The following ZNF608 variants were observed in gnomAD, a reference collection of about 807,000 sequenced individuals.
ZNF608 encodes the protein renal carcinoma antigen NY-REN-36.
In ZNF608, 12 loss-of-function variants were observed where a neutral mutation model predicts 109.0. That is an observed-to-expected ratio of 0.11 (90% confidence interval 0.07 to 0.18). The LOEUF is 0.18. Among genes scored for constraint, ZNF608 ranks in the 10% least tolerant of loss-of-function variants. ZNF608 has a pLI of 1.00. For synonymous variants in ZNF608, 732 were observed against 717.4 expected (o/e 1.02, Z -0.33); for missense variants, 1,707 against 1,879.3 (o/e 0.91, Z 1.70).
At chr5:124,684,725 G>C (rs1752333948) in intron 3 of ZNF608, among the ~76,000 whole-genome samples, 1 of 152,190 alleles carries the variant, frequency 6.6e-6, no homozygotes, top group Middle Eastern at 3.4e-3. Flanking sequence ...CCTTTTAACT[G>C]GTCTCCCTTT....
upstream of ZNF608, chr5:124,746,805 G>A: frequency 6.1e-6 from 6 of 984,700 alleles, no homozygotes; most frequent in Non-Finnish European, 7.2e-6. Flanking sequence ...AAAAGGAGGG[G>A]GGGAGTAGAG....
rs957519885 is a variant in ZNF608 at position 124,666,725 on chromosome 5, G to A, written c.1163-17028C>T. Among the ~76,000 whole-genome samples, 5 of 145,292 alleles carry A rather than the reference G, an allele frequency of 3.4e-5. No individual in the cohort carries two copies. In the East Asian group the frequency reaches 9.9e-4, roughly 29 times the overall value. On this transcript the variant is annotated intron_variant, in intron 3 of 9. Coordinates refer to ENST00000513986, the MANE Select transcript of ZNF608 (RefSeq NM_020747.3). The stretch of plus-strand genomic sequence containing the variant: ...GGGTTTGCTCTGTGTGTGTGTGTGT[G>A]TGTGTGTGTGTGTGTGTGTGTGTGT...
At chr5:124,681,183 T>C (rs1752181699) in intron 3 of ZNF608, among the ~76,000 whole-genome samples, 2 of 152,184 alleles carry the variant, frequency 1.3e-5, no homozygotes, top group African/African-American at 4.8e-5. Flanking sequence ...CCAGGTGCGG[T>C]GGCTCACGCC....
Position 124,637,681 on chromosome 5 carries a change from A to C in ZNF608, c.*219T>G, listed in dbSNP as rs1270978872. ...TATATTTATATTTATATATATATAT[A>C]TGTATATATACAGATATGTATACGT... On this transcript the variant is annotated 3_prime_UTR_variant, in exon 10 of 10. Coordinates refer to ENST00000513986, the MANE Select transcript of ZNF608 (RefSeq NM_020747.3). 2 of 191,140 alleles carry C rather than the reference A, an allele frequency of 1.0e-5. No individual in the cohort carries two copies. The highest frequency in any genetic ancestry group is 2.0e-5 in the Non-Finnish European group (2 of 98,352). The allele number at this position is 191,140 out of a possible 1,614,324, so 11.8% of individuals were successfully genotyped here.
intron 2 of ZNF608, chr5:124,708,858 C>G: frequency 2.3e-6 from 1 of 435,792 alleles, no homozygotes; most frequent in South Asian, 1.6e-5. Context: ...GAACCCCCAC[C>G]ATGCCAAAAT....
At chr5:124,684,141 A>T (rs1752308927) in intron 3 of ZNF608, among the ~76,000 whole-genome samples, 1 of 152,244 alleles carries the variant, frequency 6.6e-6, no homozygotes, top group Non-Finnish European at 1.5e-5. Flanking sequence ...TAATGCCATC[A>T]GGGCTGACTA....
intron 3 of ZNF608, among the ~76,000 whole-genome samples, chr5:124,650,230 A>G (rs1050153167): frequency 9.2e-5 from 14 of 152,252 alleles, no homozygotes; most frequent in Admixed American, 6.5e-5. Flanking sequence ...GGGACTCAAG[A>G]GTCCAGATAG....
chr5:124,681,317 C>T (rs948700681), intron 3 of ZNF608, among the ~76,000 whole-genome samples: 1 of 151,826 alleles, frequency 6.6e-6, no homozygotes, highest in African/African-American at 2.4e-5. Flanking sequence ...GTTAGCTGGG[C>T]GTGATGGTGG....
At chr5:124,669,739 G>A (rs1486940972) in intron 3 of ZNF608, among the ~76,000 whole-genome samples, 1 of 151,910 alleles carries the variant, frequency 6.6e-6, no homozygotes, top group Admixed American at 6.6e-5. Context: ...AGACTCCTGT[G>A]TTTTCCCAAA....
chr5:124,642,617 A>C (rs1750293279), intron 7 of ZNF608, among the ~76,000 whole-genome samples: 1 of 151,894 alleles, frequency 6.6e-6, no homozygotes, highest in Non-Finnish European at 1.5e-5. Flanking sequence ...GATGGGGAGC[A>C]GCACATCTGC....
At chr5:124,718,755 C>G (rs1005733514) in intron 2 of ZNF608, among the ~76,000 whole-genome samples, 8 of 152,144 alleles carry the variant, frequency 5.3e-5, no homozygotes, top group Non-Finnish European at 1.2e-4. Flanking sequence ...CTGCCAATTT[C>G]TTGGAAAATG....
intron 2 of ZNF608, among the ~76,000 whole-genome samples, chr5:124,703,656 T>C (rs1310691035): frequency 3.9e-5 from 6 of 152,090 alleles, no homozygotes; most frequent in African/African-American, 1.4e-4. Context: ...TAGTCCCAGA[T>C]ACTCGAGAGG....
intron 3 of ZNF608, among the ~76,000 whole-genome samples, chr5:124,689,662 T>C (rs929943808): frequency 1.3e-5 from 2 of 152,142 alleles, no homozygotes; most frequent in East Asian, 1.9e-4. Flanking sequence ...ACATCATAAA[T>C]TGTCAAGAAA....
At chr5:124,728,579 C>T (rs1748737225) in intron 2 of ZNF608, among the ~76,000 whole-genome samples, 2 of 152,272 alleles carry the variant, frequency 1.3e-5, no homozygotes, top group Admixed American at 6.5e-5. Context: ...TGCTTATCTT[C>T]GTTACCATGC....
At chr5:124,645,675 T>C (rs775889903) in intron 5 of ZNF608, among the ~76,000 whole-genome samples, 30 of 152,092 alleles carry the variant, frequency 2.0e-4, no homozygotes, top group Non-Finnish European at 4.0e-4. Context: ...TGCTAGTACA[T>C]TTGTGGTTTC....
chr5:124,643,681 C>A lies in ZNF608; in HGVS notation c.4126G>T (p.Ala1376Ser). 6.2e-7 allele frequency: 1 copy of A among 1,613,816 alleles called. No individual in the cohort carries two copies. The highest frequency in any genetic ancestry group is 1.1e-5 in the South Asian group (1 of 91,010). ...SPVLMHSYPG[A>S]YLSPGFHYPV... ...TAATGAAATCCTGGAGAGAGATATG[C>A]CCCTGCAGATAAACAACAAATGCCA... The change falls in exon 7 of 10, where the codon GCA (alanine) becomes TCA (serine). Residue 1376 changes from alanine (A) to serine (S), a missense_variant and splice_region_variant. Coordinates refer to ENST00000513986, the MANE Select transcript of ZNF608 (RefSeq NM_020747.3).
intron 3 of ZNF608, among the ~76,000 whole-genome samples, chr5:124,670,470 C>T (rs1463634930): frequency 1.3e-5 from 2 of 151,848 alleles, no homozygotes; most frequent in African/African-American, 4.8e-5. Context: ...AGTCACCACG[C>T]AAGATAAAAT....
At chr5:124,745,861 G>C (rs993538669) in intron 1 of ZNF608, among the ~76,000 whole-genome samples, 8 of 152,022 alleles carry the variant, frequency 5.3e-5, no homozygotes, top group Non-Finnish European at 1.0e-4. Flanking sequence ...TCTTTTAAGA[G>C]CATTTCTCTC....
At chr5:124,741,394 GAAAAAAAAAAA>G (rs34192958) in intron 2 of ZNF608, among the ~76,000 whole-genome samples, 3 of 68,418 alleles carry the variant, frequency 4.4e-5, no homozygotes, top group Non-Finnish European at 8.0e-5. Context: ...CTTCCAACCA[GAAAAAAAAAAA>G]AAAAAAAAAA....
Sources: allele counts gnomAD v4.1 joint callset (sites outside exome capture counted in the v4.1 genomes callset), GRCh38; gene constraint gnomAD v4.1.1; transcripts MANE v1.5; gene names NCBI Gene and HGNC (gene_info 2026-07-23, HGNC 2026-07-21).